MDFIC2: variants seen among roughly 807,000 people sequenced by gnomAD.
The protein encoded by MDFIC2 is myoD family inhibitor domain-containing protein 2.
chr3:70,241,135 G>A (rs1437565715), intron 2 of MDFIC2, among the ~76,000 whole-genome samples: 1 of 152,134 alleles, frequency 6.6e-6, no homozygotes. Context: ...AATGACATAC[G>A]GGCTGATAAA....
At chr3:70,267,576 GTAT>G in intron 2 of MDFIC2, among the ~76,000 whole-genome samples, 1 of 98,636 alleles carries the variant, frequency 1.0e-5, no homozygotes. Context: ...CTAATTTTTT[GTAT>G]TTTTTTTTTT....
intron 2 of MDFIC2, among the ~76,000 whole-genome samples, chr3:70,286,811 C>T (rs942940896): frequency 1.5e-4 from 23 of 152,134 alleles, no homozygotes; most frequent in Non-Finnish European, 2.9e-5. Context: ...ATTTTATTCT[C>T]TTTGAAGCAA....
intron 2 of MDFIC2, among the ~76,000 whole-genome samples, chr3:70,245,707 A>G (rs1313716416): frequency 1.6e-4 from 23 of 139,394 alleles, no homozygotes; most frequent in African/African-American, 6.0e-4. Context: ...ATATATATAT[A>G]TATATATACA....
intron 3 of MDFIC2, chr3:70,205,089 A>G (rs1054227270): frequency 6.6e-6 from 1 of 152,114 alleles, no homozygotes; most frequent in Non-Finnish European, 1.5e-5. Flanking sequence ...TGGCCCAACG[A>G]TGTGTTGTTG....
intron 2 of MDFIC2, among the ~76,000 whole-genome samples, chr3:70,245,687 A>ATT (rs1701700285): frequency 7.5e-6 from 1 of 132,598 alleles, no homozygotes; most frequent in African/African-American, 2.8e-5. Context: ...ATATATATAT[A>ATT]TATATATATA....
chr3:70,211,538 TTCCCTTCCC>T (rs2106729041), intron 2 of MDFIC2, among the ~76,000 whole-genome samples: 1 of 48,940 alleles, frequency 2.0e-5, no homozygotes, highest in East Asian at 9.6e-4. Context: ...CCCTTTGCCC[TTCCCTTCCC>T]TTCCCTTCCC....
chr3:70,239,478 T>G (rs2106640382), intron 2 of MDFIC2, among the ~76,000 whole-genome samples: 2 of 152,200 alleles, frequency 1.3e-5, no homozygotes, highest in South Asian at 2.1e-4. Context: ...TTGAAGTTCA[T>G]GGTTTGATCA....
rs1701167353 is a variant in MDFIC2, at chr3:70,195,505, A to G, written c.*1421T>C. On this transcript the variant is annotated 3_prime_UTR_variant, in exon 4 of 4. Coordinates refer to ENST00000567252, the MANE Select transcript of MDFIC2 (RefSeq NM_001364677.1). ...TTGGGAGAGTTTATTTCAAATTGGAAAAATGTGCTAGTTTGCTACAGAAAT... is the reference window on the plus strand; with the variant it reads ...TTGGGAGAGTTTATTTCAAATTGGAGAAATGTGCTAGTTTGCTACAGAAAT... Among the ~76,000 whole-genome samples, 1 of 152,204 alleles carries G rather than the reference A, an allele frequency of 6.6e-6. No homozygotes were observed. Among genetic ancestry groups the G allele is most frequent in the Non-Finnish European group, 1.5e-5 (1 of 68,038 alleles).
intron 2 of MDFIC2, among the ~76,000 whole-genome samples, chr3:70,252,794 A>G (rs886258426): frequency 6.6e-6 from 1 of 152,158 alleles, no homozygotes; most frequent in African/African-American, 2.4e-5. Context: ...AAAATCAAAA[A>G]GAAGGCCAGG....
At chr3:70,281,304 A>G (rs1702079971) in intron 2 of MDFIC2, among the ~76,000 whole-genome samples, 1 of 152,154 alleles carries the variant, frequency 6.6e-6, no homozygotes, top group African/African-American at 2.4e-5. Context: ...TGGTTACAGG[A>G]AGGCATTCAG....
At chr3:70,298,424 T>G (rs1253549716) in intron 2 of MDFIC2, among the ~76,000 whole-genome samples, 1 of 152,124 alleles carries the variant, frequency 6.6e-6, no homozygotes, top group Non-Finnish European at 1.5e-5. Flanking sequence ...TCCTTATAAT[T>G]TGTTTGTGTC....
chr3:70,282,149 C>T (rs549218151), intron 2 of MDFIC2, among the ~76,000 whole-genome samples: 1 of 152,228 alleles, frequency 6.6e-6, no homozygotes, highest in Non-Finnish European at 1.5e-5. Context: ...AAATCTGTTA[C>T]TCAACAGATT....
At chr3:70,232,571 T>C (rs1214643860) in intron 2 of MDFIC2, among the ~76,000 whole-genome samples, 1 of 152,010 alleles carries the variant, frequency 6.6e-6, no homozygotes, top group Non-Finnish European at 1.5e-5. Context: ...GGCTATTTTT[T>C]GTATTTTTGA....
chr3:70,223,798 T>G (rs1280368569), intron 2 of MDFIC2, among the ~76,000 whole-genome samples: 1 of 152,196 alleles, frequency 6.6e-6, no homozygotes, highest in African/African-American at 2.4e-5. Flanking sequence ...TGCTTTGGAT[T>G]TCTTTTAATG....
At chr3:70,239,254 G>T (rs918901151) in intron 2 of MDFIC2, among the ~76,000 whole-genome samples, 5 of 152,028 alleles carry the variant, frequency 3.3e-5, no homozygotes, top group Admixed American at 6.6e-5. Context: ...TTGTTATCTT[G>T]ATTTCAAAGA....
At chr3:70,295,623 T>C (rs1488166413) in intron 2 of MDFIC2, among the ~76,000 whole-genome samples, 1 of 152,096 alleles carries the variant, frequency 6.6e-6, no homozygotes, top group African/African-American at 2.4e-5. Context: ...GCCCAAGAGG[T>C]TGAGCCTGCA....
chr3:70,308,560 C>G (rs546156550), intron 2 of MDFIC2, among the ~76,000 whole-genome samples: 1 of 152,210 alleles, frequency 6.6e-6, no homozygotes, highest in East Asian at 1.9e-4. Context: ...GGCCCATGAC[C>G]CATTTGGGGA....
At chr3:70,198,021 G>A (rs1701198123) in intron 3 of MDFIC2, among the ~76,000 whole-genome samples, 1 of 152,168 alleles carries the variant, frequency 6.6e-6, no homozygotes, top group African/African-American at 2.4e-5. Context: ...AAGGGAATTA[G>A]TTAGAAGATG....
At chr3:70,230,427 C>T (rs758099030) in intron 2 of MDFIC2, among the ~76,000 whole-genome samples, 6 of 152,130 alleles carry the variant, frequency 3.9e-5, no homozygotes, top group African/African-American at 7.2e-5. Context: ...TATTTTTTGA[C>T]CACTAGAACT....
Sources: gnomAD v4.1 joint callset for allele counts (sites outside exome capture counted in the v4.1 genomes callset) on GRCh38, gnomAD v4.1.1 for gene constraint, MANE v1.5 for transcripts, NCBI Gene and HGNC (gene_info 2026-07-23, HGNC 2026-07-21) for gene names.